ZRANB3: variants seen among roughly 807,000 people sequenced by gnomAD.
ZRANB3 encodes zinc finger RANBP2-type containing 3, also known as DNA annealing helicase and endonuclease ZRANB3.
ZRANB3 carries 125 observed loss-of-function variants against 133.8 expected under a neutral mutation model. That is an observed-to-expected ratio of 0.93 (90% confidence interval 0.81 to 1.08). ZRANB3 has a LOEUF of 1.08. Among genes scored for constraint, ZRANB3 ranks in the 50% least tolerant of loss-of-function variants. The pLI is 0.00. For synonymous variants in ZRANB3, 387 were observed against 432.7 expected (o/e 0.89, Z 1.31); for missense variants, 1,229 against 1,275.5 (o/e 0.96, Z 0.56).
chr2:135,383,054 T>G (rs1306018890), intron 3 of ZRANB3, among the ~76,000 whole-genome samples: 1 of 151,974 alleles, frequency 6.6e-6, no homozygotes, highest in African/African-American at 2.4e-5. Context: ...ACTGGCAAAT[T>G]GGATAAAGAG....
intron 12 of ZRANB3, among the ~76,000 whole-genome samples, chr2:135,264,021 C>T (rs1468236461): frequency 6.6e-6 from 1 of 150,656 alleles, no homozygotes; most frequent in African/African-American, 2.4e-5. Context: ...CTCCTGACCT[C>T]AACTGATCCA....
At chr2:135,237,967 G>A (rs1695376576) in intron 12 of ZRANB3, among the ~76,000 whole-genome samples, 1 of 152,138 alleles carries the variant, frequency 6.6e-6, no homozygotes, top group South Asian at 2.1e-4. Context: ...AAAAAAACCT[G>A]TTAATTAGGA....
At chr2:135,493,134 TA>T (rs1692477708) in intron 2 of ZRANB3, among the ~76,000 whole-genome samples, 1 of 45,360 alleles carries the variant, frequency 2.2e-5, no homozygotes, top group Non-Finnish European at 3.6e-5. Context: ...TATATATATA[TA>T]TATATATATA....
At chr2:135,500,813 A>G (rs1249137008) in intron 2 of ZRANB3, among the ~76,000 whole-genome samples, 1 of 151,972 alleles carries the variant, frequency 6.6e-6, no homozygotes, top group African/African-American at 2.4e-5. Context: ...GTTAAACAGC[A>G]GATTAGACCA....
intron 12 of ZRANB3, among the ~76,000 whole-genome samples, chr2:135,260,891 CT>C (rs998172443): frequency 1.4e-5 from 2 of 144,252 alleles, no homozygotes; most frequent in Non-Finnish European, 3.0e-5. Context: ...TATATATACA[CT>C]TGACATATAT....
In ZRANB3 at chr2:135,349,977, G is replaced by A; in HGVS notation, c.591+7C>T. Reference sequence around the variant, plus strand: ...CTTTTAAGTTCGAAGTATAAGGATTGTAATACCTCTTCAGGCCTTCCTAAA... The same window carrying A: ...CTTTTAAGTTCGAAGTATAAGGATTATAATACCTCTTCAGGCCTTCCTAAA... On this transcript the variant is annotated splice_region_variant and intron_variant, in intron 5 of 20. Coordinates refer to ENST00000264159, the MANE Select transcript of ZRANB3 (RefSeq NM_032143.4). 1 of 1,611,624 alleles carries A rather than the reference G, an allele frequency of 6.2e-7. No individual in the cohort carries two copies.
chr2:135,516,860 A>C (rs1463792578), intron 1 of ZRANB3, among the ~76,000 whole-genome samples: 1 of 152,128 alleles, frequency 6.6e-6, no homozygotes, highest in African/African-American at 2.4e-5. Flanking sequence ...AATATCCTTA[A>C]GTGTGTTTTC....
At chr2:135,492,094 T>C (rs934638630) in intron 2 of ZRANB3, among the ~76,000 whole-genome samples, 1 of 152,186 alleles carries the variant, frequency 6.6e-6, no homozygotes, top group Admixed American at 6.5e-5. Context: ...CAGGAAAACA[T>C]GGATTATATA....
chr2:135,268,918 T>C (rs1680374308), intron 11 of ZRANB3, 44 bp downstream of exon 11: 1 of 1,555,754 alleles, frequency 6.4e-7, no homozygotes, highest in African/African-American at 1.4e-5. Context: ...TGGCTATGGT[T>C]AATAGTAAGT....
chr2:135,390,558 T>A (rs1687177718), intron 3 of ZRANB3, among the ~76,000 whole-genome samples: 2 of 152,028 alleles, frequency 1.3e-5, no homozygotes, highest in African/African-American at 4.8e-5. Context: ...AGGTAACAAT[T>A]TGGGGTCACT....
chr2:135,515,043 T>G (rs1018381219), intron 1 of ZRANB3, among the ~76,000 whole-genome samples: 2 of 152,216 alleles, frequency 1.3e-5, no homozygotes, highest in Non-Finnish European at 2.9e-5. Context: ...TTTGCCAGTA[T>G]TTTATTGAGT....
rs577981783 is a variant in ZRANB3 at position 135,280,545 on chromosome 2, C to T, written c.967-4790G>A. Among the ~76,000 whole-genome samples the T allele has an allele frequency of 2.1e-4, 32 of 151,586 alleles. No homozygotes were observed. The South Asian group carries it at 5.6e-3, about 27-fold the overall frequency. On this transcript the variant is annotated intron_variant, in intron 8 of 20. Coordinates refer to ENST00000264159, the MANE Select transcript of ZRANB3 (RefSeq NM_032143.4). ...TCACACCATTGCACTCCAGCCTGGG[C>T]AACAAGAGTAAAACTATCTCAAAAA...
chr2:135,266,465 C>G (rs13430353), intron 11 of ZRANB3, among the ~76,000 whole-genome samples: 25 of 152,020 alleles, frequency 1.6e-4, no homozygotes, highest in African/African-American at 5.8e-4. Context: ...GAGTCTGGCA[C>G]CTTTTAAAGT....
At chr2:135,318,911 C>A (rs911184172) in intron 6 of ZRANB3, among the ~76,000 whole-genome samples, 2 of 152,218 alleles carry the variant, frequency 1.3e-5, no homozygotes, top group Non-Finnish European at 2.9e-5. Flanking sequence ...ACTTCCTCTA[C>A]ATATTGTATT....
intron 8 of ZRANB3, among the ~76,000 whole-genome samples, chr2:135,292,667 G>A (rs971437571): frequency 1.3e-5 from 2 of 152,258 alleles, no homozygotes; most frequent in South Asian, 2.1e-4. Flanking sequence ...TGAAGTCCTT[G>A]CCCATGCCTA....
intron 8 of ZRANB3, among the ~76,000 whole-genome samples, chr2:135,302,900 A>G (rs1286187695): frequency 6.6e-6 from 1 of 152,196 alleles, no homozygotes; most frequent in East Asian, 1.9e-4. Context: ...TTAAGCAAGC[A>G]TTCTGTATTC....
At chr2:135,345,686 A>G in intron 5 of ZRANB3, 51 bp from the exon 6 acceptor site, 2 of 1,272,240 alleles carry the variant, frequency 1.6e-6, no homozygotes, top group Non-Finnish European at 2.2e-6. Flanking sequence ...CAAGTAAATT[A>G]TTATTACAAT....
chr2:135,397,199 T>C (rs891741113), intron 2 of ZRANB3, among the ~76,000 whole-genome samples: 2 of 151,928 alleles, frequency 1.3e-5, no homozygotes, highest in African/African-American at 2.4e-5. Flanking sequence ...CCCCAGCACT[T>C]TGGTAAGCTG....
At chr2:135,246,108 G>A (rs139842071) in intron 12 of ZRANB3, among the ~76,000 whole-genome samples, 381 of 132,410 alleles carry the variant, frequency 2.9e-3, no homozygotes, top group African/African-American at 0.01. Flanking sequence ...GTGTGATCTC[G>A]GCTCACCGCA....
Sources: gnomAD v4.1 joint callset for allele counts (sites outside exome capture counted in the v4.1 genomes callset) on GRCh38, gnomAD v4.1.1 for gene constraint, MANE v1.5 for transcripts, NCBI Gene and HGNC (gene_info 2026-07-23, HGNC 2026-07-21) for gene names.